The following KATNAL1 variants were observed in gnomAD, a reference collection of about 807,000 sequenced individuals.
The protein encoded by KATNAL1 is katanin p60 ATPase-containing subunit A-like 1.
In KATNAL1, 32 loss-of-function variants were observed where a neutral mutation model predicts 55.2. That is an observed-to-expected ratio of 0.58 (90% confidence interval 0.44 to 0.78). The LOEUF is 0.78. KATNAL1 is among the 30% of genes least tolerant of loss of function. The pLI is 0.00. For synonymous variants in KATNAL1, 193 were observed against 193.6 expected (o/e 1.00, Z 0.02); for missense variants, 466 against 600.9 (o/e 0.78, Z 2.35).
chr13:30,283,447 G>GT (rs561656142), intron 2 of KATNAL1, among the ~76,000 whole-genome samples, 169 bp downstream of exon 2: 100 of 152,014 alleles, frequency 6.6e-4, no homozygotes, highest in African/African-American at 2.4e-3. Context: ...CATTAACCAG[G>GT]TAAGATACTA....
chr13:30,254,366 A>C (rs755035412), intron 4 of KATNAL1, among the ~76,000 whole-genome samples: 5 of 152,210 alleles, frequency 3.3e-5, no homozygotes, highest in Admixed American at 6.5e-5. Flanking sequence ...TTGCTGTTTC[A>C]TGGCATAAAA....
chr13:30,227,613 C>A, intron 8 of KATNAL1, 67 bp from the exon 9 acceptor site: 1 of 1,543,710 alleles, frequency 6.5e-7, no homozygotes. Context: ...ATTCAATTAA[C>A]ATTTCTTTTA....
chr13:30,214,166 T>C (rs1370195990), intron 9 of KATNAL1, among the ~76,000 whole-genome samples: 2 of 152,236 alleles, frequency 1.3e-5, no homozygotes, highest in South Asian at 2.1e-4. Flanking sequence ...TGAACTCCCA[T>C]TCACAATTGC....
intron 1 of KATNAL1, among the ~76,000 whole-genome samples, chr13:30,287,377 C>T (rs965598132): frequency 1.3e-5 from 2 of 152,164 alleles, no homozygotes; most frequent in Non-Finnish European, 1.5e-5. Flanking sequence ...TAAGCATCTG[C>T]CATTTCCCCT....
At position 30,253,507 on chromosome 13, in the gene KATNAL1, C is replaced by CA. The variant is rs559143688; in HGVS notation, c.492+1939dup. Among the ~76,000 whole-genome samples, 255 of 151,340 alleles carry CA rather than the reference C, an allele frequency of 1.7e-3. 1 individual carries two copies. Among genetic ancestry groups the CA allele is most frequent in the African/African-American group, 5.7e-3 (236 of 41,300 alleles). On this transcript the variant is annotated intron_variant, in intron 4 of 10. Transcript: ENST00000380615. ...TGAAACAACGCCTCCACTAAAAATA[C>CA]AAAAAAAATTAGCCGGGCATGGTAG...
Position 30,205,277 on chromosome 13 carries a change from G to A in KATNAL1, c.*3263C>T, listed in dbSNP as rs1263408421. 6.6e-6 allele frequency: 1 copy of A among 152,200 alleles called. No individual in the cohort carries two copies. Among genetic ancestry groups the A allele is most frequent in the African/African-American group, 2.4e-5 (1 of 41,454 alleles). The allele number at this position is 152,200 out of a possible 1,614,324, so 9.4% of individuals were successfully genotyped here. ...AGCCAGAAGCTATACAGAGTCGTTA[G>A]AGAAACTGCCAAGTTTGAACTGTAC... is the stretch of plus-strand genomic sequence containing the variant. On this transcript the variant is annotated 3_prime_UTR_variant, in exon 11 of 11. Transcript: ENST00000380615.
At chr13:30,293,317 G>A (rs747219408) in intron 1 of KATNAL1, among the ~76,000 whole-genome samples, 1 of 151,556 alleles carries the variant, frequency 6.6e-6, no homozygotes, top group East Asian at 1.9e-4. Flanking sequence ...TTTTATTGAG[G>A]TATATAACTT....
Position 30,210,512 on chromosome 13 carries a change from T to C in KATNAL1, c.1148-70A>G, listed in dbSNP as rs535686214. On this transcript the variant is annotated intron_variant, in intron 9 of 10. Transcript: ENST00000380615. ...AATAATTTTGCTGAGAAATGACATA[T>C]TAACATTTGGGGGAAAAATGAGGCC... 676 of 1,451,798 alleles carry C rather than the reference T, an allele frequency of 4.7e-4. 1 individual carries two copies. Among genetic ancestry groups the C allele is most frequent in the Admixed American group, 1.8e-3 (81 of 46,184 alleles). The allele number at this position is 1,451,798 out of a possible 1,614,324, so 89.9% of individuals were successfully genotyped here. A position where few individuals can be genotyped will look rare whatever the true frequency, so the allele number is the denominator to read the frequency against.
At chr13:30,243,960 T>C (rs1412040054) in intron 4 of KATNAL1, among the ~76,000 whole-genome samples, 1 of 152,176 alleles carries the variant, frequency 6.6e-6, no homozygotes, top group Non-Finnish European at 1.5e-5. Context: ...CTTTAAGTTC[T>C]AGGATACATG....
rs1306978578 is a variant in KATNAL1 at position 30,283,732 on chromosome 13, A to T, written c.46T>A (p.Tyr16Asn). The part of the protein sequence containing the change: ...ICDNAKKGRE[Y>N]ALLGNYDSSM... ...GAGTCGTAATTTCCAAGAAGGGCAT[A>T]TTCTCTTCCTTTCTTTGCATTATCA... Residue 16 changes from tyrosine (Y) to asparagine (N), a missense_variant, in exon 2 of 11, where the codon TAT (tyrosine) becomes AAT (asparagine). Tyr to Asn is a moderately radical substitution (Grantham distance 143). Transcript: ENST00000380615. 7 of 1,613,554 alleles carry T rather than the reference A, an allele frequency of 4.3e-6. No homozygotes were observed. Among genetic ancestry groups the T allele is most frequent in the Non-Finnish European group, 5.9e-6 (7 of 1,179,726 alleles).
chr13:30,213,468 C>G (rs1304088407), intron 9 of KATNAL1, among the ~76,000 whole-genome samples: 1 of 151,768 alleles, frequency 6.6e-6, no homozygotes, highest in Non-Finnish European at 1.5e-5. Context: ...GAGACACACC[C>G]AAAAAAGAGA....
At chr13:30,209,061 A>G (rs1294724558) in intron 10 of KATNAL1, among the ~76,000 whole-genome samples, 4 of 152,240 alleles carry the variant, frequency 2.6e-5, no homozygotes, top group Non-Finnish European at 5.9e-5. Flanking sequence ...GAAATACTGA[A>G]TTGTACACTT....
At chr13:30,296,429 G>C in intron 1 of KATNAL1, 1 of 871,096 alleles carries the variant, frequency 1.1e-6, no homozygotes. Context: ...GAAGGAGGGA[G>C]GCTTGGGCCC....
chr13:30,275,872 A>T lies in KATNAL1; in HGVS notation c.323+4191T>A, dbSNP rs558521657. Among the ~76,000 whole-genome samples, 13 of 152,190 alleles carry T rather than the reference A, an allele frequency of 8.5e-5. No homozygotes were observed. In the East Asian group the frequency reaches 2.1e-3, roughly 25 times the overall value. On this transcript the variant is annotated intron_variant, in intron 3 of 10. Transcript: ENST00000380615. ...AATTATACCTCAATAAAGTTGGGGGAAAAAAGGACCTACCATATTTATTTT... is the reference window on the plus strand; with the variant it reads ...AATTATACCTCAATAAAGTTGGGGGTAAAAAGGACCTACCATATTTATTTT...
rs1873333918 is a variant in KATNAL1 at position 30,208,258 on chromosome 13, C to T, written c.*282G>A. On this transcript the variant is annotated 3_prime_UTR_variant, in exon 11 of 11. Coordinates refer to ENST00000380615, the MANE Select transcript of KATNAL1 (RefSeq NM_032116.5). The stretch of plus-strand genomic sequence containing the variant: ...TCTTCTGTATTCCTAAAATATCACA[C>T]TGCGCCCTTGCTTCAGCCTCCCTGA... The T allele has an allele frequency of 3.5e-6, 1 of 282,804 alleles. No individual in the cohort carries two copies. Among genetic ancestry groups the T allele is most frequent in the Admixed American group, 5.2e-5 (1 of 19,270 alleles). 17.5% of individuals were successfully genotyped at this position (282,804 alleles called of 1,614,324 possible). A position where few individuals can be genotyped will look rare whatever the true frequency, so the allele number is the denominator to read the frequency against.
chr13:30,280,035 C>A (rs1407928334), intron 3 of KATNAL1, 28 bp downstream of exon 3: 1 of 1,582,664 alleles, frequency 6.3e-7, no homozygotes, highest in East Asian at 2.3e-5. Flanking sequence ...ACTAGAAGCA[C>A]CTAAAGAGAA....
intron 1 of KATNAL1, 95 bp from the exon 2 acceptor site, chr13:30,283,886 T>C: frequency 1.1e-6 from 1 of 909,594 alleles, no homozygotes; most frequent in Non-Finnish European, 1.6e-6. Flanking sequence ...ACTTTTTTTT[T>C]TTTTTTTGAA....
rs1249779259 is a variant in KATNAL1, at chr13:30,301,034, A to G, written c.-15+6297T>C. ...TTTAAAATATTACAAAGGACAGAAAATGTGGATCATCTGTTACTGTGTCTC... is the reference window on the plus strand; with the variant it reads ...TTTAAAATATTACAAAGGACAGAAAGTGTGGATCATCTGTTACTGTGTCTC... On this transcript the variant is annotated intron_variant, in intron 1 of 10. Coordinates refer to ENST00000380615, the MANE Select transcript of KATNAL1 (RefSeq NM_032116.5). 2.6e-5 allele frequency among the ~76,000 whole-genome samples: 4 copies of G among 152,334 alleles called. No individual in the cohort carries two copies. The South Asian group carries it at 8.3e-4, about 32-fold the overall frequency.
chr13:30,302,595 A>C (rs947855302), intron 1 of KATNAL1, among the ~76,000 whole-genome samples: 3 of 152,256 alleles, frequency 2.0e-5, no homozygotes, highest in Non-Finnish European at 2.9e-5. Context: ...TAAAGGAACA[A>C]CTTATTGAAA....
Sources: gnomAD v4.1 joint callset for allele counts (sites outside exome capture counted in the v4.1 genomes callset) on GRCh38, gnomAD v4.1.1 for gene constraint, MANE v1.5 for transcripts, NCBI Gene and HGNC (gene_info 2026-07-23, HGNC 2026-07-21) for gene names.